ADARB2: variants seen among roughly 807,000 people sequenced by gnomAD.
ADARB2 encodes the protein adenosine deaminase RNA specific B2 (inactive), also known as inactive double-stranded RNA-specific editase B2.
A neutral mutation model predicts 62.2 loss-of-function variants in ADARB2; 25 were observed. The ratio of observed to expected loss-of-function variants is 0.40; its 90% CI spans 0.29 to 0.56. The LOEUF is 0.56. ADARB2 is among the 20% of genes least tolerant of loss of function. ADARB2 has a pLI of 0.43. For synonymous variants in ADARB2, 572 were observed against 500.8 expected, an observed-to-expected ratio of 1.14 and a Z score of -1.90; for missense variants, 1,071 against 1,077.4, an observed-to-expected ratio of 0.99 and a Z score of 0.08.
chr10:1,509,056 C>T (rs1367176013), intron 1 of ADARB2, among the ~76,000 whole-genome samples: 2 of 152,116 alleles, frequency 1.3e-5, no homozygotes, highest in Admixed American at 6.5e-5. Context: ...TTGTAGCATC[C>T]GGGAGGAGCC....
chr10:1,234,755 TTTTTTTTTTTTTTG>T, intron 5 of ADARB2, among the ~76,000 whole-genome samples: 1 of 136,070 alleles, frequency 7.3e-6, no homozygotes, highest in African/African-American at 2.8e-5. Flanking sequence ...TTTTTTTTTT[TTTTTTTTTTTTTTG>T]TGACGGAGTC....
intron 1 of ADARB2, among the ~76,000 whole-genome samples, chr10:1,600,052 T>C (rs1833390070): frequency 6.6e-6 from 1 of 152,166 alleles, no homozygotes; most frequent in Non-Finnish European, 1.5e-5. Flanking sequence ...GCCTGTGAAA[T>C]AATTTGATGA....
intron 6 of ADARB2, among the ~76,000 whole-genome samples, chr10:1,218,971 AC>A (rs1451998778): frequency 6.7e-6 from 1 of 148,788 alleles, no homozygotes; most frequent in Non-Finnish European, 1.5e-5. Flanking sequence ...AATGGCCTGA[AC>A]CCAGGAGGTG....
At chr10:1,625,681 A>C (rs544306437) in intron 1 of ADARB2, among the ~76,000 whole-genome samples, 1 of 152,160 alleles carries the variant, frequency 6.6e-6, no homozygotes, top group African/African-American at 2.4e-5. Context: ...TCCACTGACC[A>C]TCAGACAGCA....
chr10:1,234,173 G>C (rs1830840585), intron 5 of ADARB2, among the ~76,000 whole-genome samples: 1 of 151,194 alleles, frequency 6.6e-6, no homozygotes, highest in South Asian at 2.1e-4. Context: ...ATTTTTAGTA[G>C]ATACAGGGTT....
At chr10:1,470,111 C>T (rs1045682782) in intron 1 of ADARB2, among the ~76,000 whole-genome samples, 3 of 152,228 alleles carry the variant, frequency 2.0e-5, no homozygotes, top group Non-Finnish European at 2.9e-5. Context: ...GGTCATCTGA[C>T]CTGACCCTCT....
rs1564232225 is a variant in ADARB2 at position 1,240,302 on chromosome 10, C to CCCTCCCGGTGTTTACTCCCCTCTG, written c.1361+1805_1361+1828dup. On this transcript the variant is annotated intron_variant, in intron 5 of 9. Coordinates refer to ENST00000381312, the MANE Select transcript of ADARB2 (RefSeq NM_018702.4). ...TGCCTCCCGGTGTTTACTCCCCTCT[C>CCCTCCCGGTGTTTACTCCCCTCTG]CCTCCCGGTGTTTACTCCCCTCTGC... The CCCTCCCGGTGTTTACTCCCCTCTG allele has an allele frequency of 7.5e-4, 11 of 14,642 alleles. 3 individuals are homozygous for CCCTCCCGGTGTTTACTCCCCTCTG. Among genetic ancestry groups the CCCTCCCGGTGTTTACTCCCCTCTG allele is most frequent in the African/African-American group, 2.8e-3 (6 of 2,160 alleles). 0.9% of individuals were successfully genotyped at this position (14,642 alleles called of 1,614,324 possible). A position where few individuals can be genotyped will look rare whatever the true frequency, so the allele number is the denominator to read the frequency against.
At chr10:1,392,302 C>A (rs1205422149) in intron 1 of ADARB2, among the ~76,000 whole-genome samples, 1 of 152,160 alleles carries the variant, frequency 6.6e-6, no homozygotes, top group Non-Finnish European at 1.5e-5. Context: ...CCACAGAACT[C>A]TCTTGGTGCC....
chr10:1,607,345 A>G (rs1321677892), intron 1 of ADARB2, among the ~76,000 whole-genome samples: 5 of 152,186 alleles, frequency 3.3e-5, no homozygotes, highest in African/African-American at 1.2e-4. Context: ...TAGGCCATTT[A>G]GGCTGGGACA....
rs1438764018 is a variant in ADARB2 at position 1,186,822 on chromosome 10, G to A, written c.1865-1783C>T. 3.9e-5 allele frequency among the ~76,000 whole-genome samples: 6 copies of A among 152,370 alleles called. 1 individual carries two copies. In the South Asian group the frequency reaches 1.2e-3, roughly 32 times the overall value. On this transcript the variant is annotated intron_variant, in intron 8 of 9. Transcript: ENST00000381312. ...TGGTCTGAGAGCAAAGACCTGGTGG[G>A]CTGAGCTGGTGCGAGTGGGTTCCCG...
chr10:1,271,212 C>T, intron 3 of ADARB2, 143 bp from the exon 4 acceptor site: 6 of 649,714 alleles, frequency 9.2e-6, no homozygotes, highest in Non-Finnish European at 1.6e-5. Flanking sequence ...ACAGCCTTGT[C>T]ACCACGTGAC....
chr10:1,406,028 C>T (rs1253388001), intron 1 of ADARB2, among the ~76,000 whole-genome samples: 4 of 152,226 alleles, frequency 2.6e-5, no homozygotes, highest in East Asian at 3.8e-4. Context: ...TTAAACCCTT[C>T]GCCAAGATAC....
intron 1 of ADARB2, among the ~76,000 whole-genome samples, chr10:1,532,805 G>C (rs963515611): frequency 6.6e-6 from 1 of 152,216 alleles, no homozygotes; most frequent in Non-Finnish European, 1.5e-5. Flanking sequence ...ACAGGCAGGA[G>C]CCTGAATGTG....
At chr10:1,488,221 C>CAA (rs573554204) in intron 1 of ADARB2, among the ~76,000 whole-genome samples, 2 of 130,396 alleles carry the variant, frequency 1.5e-5, no homozygotes, top group African/African-American at 5.3e-5. Context: ...TCAGATTTGG[C>CAA]AAAGAAAAAA....
At chr10:1,509,535 C>T (rs1378993330) in intron 1 of ADARB2, among the ~76,000 whole-genome samples, 1 of 152,198 alleles carries the variant, frequency 6.6e-6, no homozygotes, top group East Asian at 1.9e-4. Flanking sequence ...ATTAGAGTTA[C>T]AACTTGGCTA....
intron 3 of ADARB2, among the ~76,000 whole-genome samples, chr10:1,336,757 C>T (rs1435954013): frequency 1.3e-5 from 2 of 152,124 alleles, no homozygotes; most frequent in African/African-American, 4.8e-5. Flanking sequence ...CTGAGGACTC[C>T]CTGTGTCAGG....
chr10:1,533,473 GACCCTGGC>G, intron 1 of ADARB2, among the ~76,000 whole-genome samples: 1 of 151,992 alleles, frequency 6.6e-6, no homozygotes, highest in South Asian at 2.1e-4. Context: ...TGAGAGGTGT[GACCCTGGC>G]ATTGCCACGT....
At chr10:1,596,654 C>T (rs982215423) in intron 1 of ADARB2, among the ~76,000 whole-genome samples, 1 of 152,158 alleles carries the variant, frequency 6.6e-6, no homozygotes, top group African/African-American at 2.4e-5. Flanking sequence ...TGGCTGAGAC[C>T]AGGGGAGCAC....
At chr10:1,430,858 G>T (rs570933172) in intron 1 of ADARB2, among the ~76,000 whole-genome samples, 2 of 152,170 alleles carry the variant, frequency 1.3e-5, no homozygotes, top group Non-Finnish European at 2.9e-5. Flanking sequence ...CCACTGGGAA[G>T]ACATAACTAT....
Sources: allele counts gnomAD v4.1 joint callset (sites outside exome capture counted in the v4.1 genomes callset), GRCh38; gene constraint gnomAD v4.1.1; transcripts MANE v1.5; gene names NCBI Gene and HGNC (gene_info 2026-07-23, HGNC 2026-07-21).